The following GSTA1 variants were observed in gnomAD, a reference collection of about 807,000 sequenced individuals.
The protein encoded by GSTA1 is glutathione S-transferase alpha 1.
In GSTA1, 23 loss-of-function variants were observed where a neutral mutation model predicts 21.5. The observed-to-expected ratio is 1.07, with a 90% CI of 0.77 to 1.52. GSTA1 has a LOEUF of 1.52. Among genes scored for constraint, GSTA1 ranks in the 40% most tolerant of loss-of-function variants. GSTA1 has a pLI of 0.00. For synonymous variants in GSTA1, 125 were observed against 90.0 expected, an observed-to-expected ratio of 1.39 and a Z score of -2.20; for missense variants, 301 against 264.2, an observed-to-expected ratio of 1.14 and a Z score of -0.96.
intron 1 of GSTA1, among the ~76,000 whole-genome samples, chr6:52,800,073 T>G (rs1198884212): frequency 2.0e-5 from 3 of 152,224 alleles, no homozygotes; most frequent in Non-Finnish European, 4.4e-5. Flanking sequence ...TGGGGTGCAT[T>G]TTGTTTTATA....
At chr6:52,794,954 C>T (rs1350792748) in intron 4 of GSTA1, among the ~76,000 whole-genome samples, 1 of 152,166 alleles carries the variant, frequency 6.6e-6, no homozygotes. Flanking sequence ...AAAACAAGAA[C>T]TTTATTGATG....
chr6:52,793,873 T>A (rs1327132436), intron 5 of GSTA1, among the ~76,000 whole-genome samples: 4 of 152,174 alleles, frequency 2.6e-5, no homozygotes, highest in East Asian at 3.8e-4. Context: ...GAACATGAAA[T>A]CTTGTTGAAC....
chr6:52,796,245 G>C lies in GSTA1; in HGVS notation c.209C>G (p.Ala70Gly), dbSNP rs771949633. The change falls in exon 4 of 7, where the codon GCC (alanine) becomes GGC (glycine). Residue 70 changes from alanine (A) to glycine (G), a missense_variant. Physicochemically the swap from Ala to Gly is moderately conservative, Grantham distance 60 (BLOSUM62 0). Coordinates refer to ENST00000334575, the MANE Select transcript of GSTA1 (RefSeq NM_145740.5). ...TTTGCTGGCAATGTAGTTGAGAATG[G>C]CTCTGGTCTGCACCAGCTTCATCCC... ...IDGMKLVQTR[A>G]ILNYIASKYN... 2.0e-5 allele frequency: 32 copies of C among 1,613,514 alleles called. No homozygotes were observed. Among genetic ancestry groups the C allele is most frequent in the Non-Finnish European group, 2.5e-5 (30 of 1,179,918 alleles).
At chr6:52,799,940 C>T (rs2127307390) in intron 1 of GSTA1, among the ~76,000 whole-genome samples, 1 of 152,336 alleles carries the variant, frequency 6.6e-6, no homozygotes, top group African/African-American at 2.4e-5. Flanking sequence ...TGTGAGACTA[C>T]ATTTGATCAA....
chr6:52,799,067 C>A (rs976589441), intron 2 of GSTA1, 114 bp downstream of exon 2: 3 of 946,988 alleles, frequency 3.2e-6, no homozygotes, highest in African/African-American at 3.3e-5. Context: ...AATTACAGTC[C>A]ATTTTTATTT....
chr6:52,803,636 T>C (rs1301154848), intron 1 of GSTA1, 149 bp downstream of exon 1: 6 of 167,322 alleles, frequency 3.6e-5, no homozygotes, highest in Non-Finnish European at 7.8e-5. Context: ...AAACAATTCT[T>C]GAACTGTCAC....
rs1302788727 is a variant in GSTA1, at chr6:52,792,937, C to A, written c.465G>T (p.Arg155=). 1 of 1,614,126 alleles carries A rather than the reference C, an allele frequency of 6.2e-7. No individual in the cohort carries two copies. Among genetic ancestry groups the A allele is most frequent in the Non-Finnish European group, 8.5e-7 (1 of 1,180,012 alleles). Residue 155 remains arginine, a synonymous_variant, in exon 6 of 7, where the codon CGG becomes CGT. Transcript: ENST00000334575. ...GAAGTTCCACCAGATGAATGTCAGC[C>A]CGGCTCAGCTTGTTGCCAACAAGGT... ...QDYLVGNKLS[R]ADIHLVELLY... is the part of the protein sequence containing the mutation.
At chr6:52,797,751 A>G (rs896574593) in intron 2 of GSTA1, 114 bp from the exon 3 acceptor site, 11 of 926,380 alleles carry the variant, frequency 1.2e-5, no homozygotes, top group South Asian at 1.5e-5. Flanking sequence ...TGAGTTTGGC[A>G]GGGTACACAG....
chr6:52,792,411 G>A (rs1763479401), intron 6 of GSTA1, among the ~76,000 whole-genome samples: 2 of 152,168 alleles, frequency 1.3e-5, no homozygotes, highest in South Asian at 4.1e-4. Flanking sequence ...GAGATACAGT[G>A]TGGGGGGCCA....
Position 52,792,060 on chromosome 6 carries a change from C to A in GSTA1, c.547-80G>T, listed in dbSNP as rs150060464. On this transcript the variant is annotated intron_variant, in intron 6 of 6. Coordinates refer to ENST00000334575, the MANE Select transcript of GSTA1 (RefSeq NM_145740.5). ...AACATGACCCAGGGAATCTGAGCCCCTCCTGCAAAGACCAAGTGAGTCTGC... is the reference window on the plus strand; with the variant it reads ...AACATGACCCAGGGAATCTGAGCCCATCCTGCAAAGACCAAGTGAGTCTGC... The A allele has an allele frequency of 1.7e-4, 265 of 1,587,636 alleles. No homozygotes were observed. In the East Asian group the frequency reaches 5.7e-3, roughly 34 times the overall value.
At position 52,801,178 on chromosome 6, in the gene GSTA1, G is replaced by A. The variant is rs112108390; in HGVS notation, c.-30-1881C>T. The stretch of plus-strand genomic sequence containing the variant: ...TTACAGGAGTGAGCCACTGCACCCG[G>A]CCTCAACTAATGTATTTCTAAAAAG... On this transcript the variant is annotated intron_variant, in intron 1 of 6. Coordinates refer to ENST00000334575, the MANE Select transcript of GSTA1 (RefSeq NM_145740.5). 9.5e-4 allele frequency among the ~76,000 whole-genome samples: 145 copies of A among 152,272 alleles called. 1 individual carries two copies. The highest frequency in any genetic ancestry group is 3.3e-3 in the African/African-American group (138 of 41,552).
At chr6:52,798,121 A>C (rs1320879488) in intron 2 of GSTA1, among the ~76,000 whole-genome samples, 57 of 152,314 alleles carry the variant, frequency 3.7e-4, no homozygotes, top group Non-Finnish European at 6.5e-4. Context: ...CTAAGTGTGA[A>C]ATAGGTCGCC....
At chr6:52,798,095 C>CT (rs1763631977) in intron 2 of GSTA1, among the ~76,000 whole-genome samples, 1 of 152,208 alleles carries the variant, frequency 6.6e-6, no homozygotes, top group African/African-American at 2.4e-5. Context: ...TATCGCCCCA[C>CT]TTCTCAGGAA....
intron 6 of GSTA1, chr6:52,792,581 G>C: frequency 1.7e-6 from 1 of 593,278 alleles, no homozygotes; most frequent in Non-Finnish European, 2.6e-6. Flanking sequence ...AAACCACATT[G>C]AAATAGAGGG....
rs577327388 is a variant in GSTA1, at chr6:52,794,256, A to G, written c.283T>C (p.Tyr95His). Residue 95 changes from tyrosine to histidine, a missense_variant, in exon 5 of 7, where the codon TAT becomes CAT. Tyr to His is a moderately conservative substitution (Grantham distance 83, BLOSUM62 2). Coordinates refer to ENST00000334575, the MANE Select transcript of GSTA1 (RefSeq NM_145740.5). ...CCCAAATCTGCTATACCTTCTATAT[A>G]CATATCAATCCTGAAAGACAGAAAC... Reference protein sequence around the residue: ...DIKERALIDMYIEGIADLGEM... With the variant: ...DIKERALIDMHIEGIADLGEM... The G allele has an allele frequency of 1.1e-5, 17 of 1,612,226 alleles. No individual in the cohort carries two copies. In the East Asian group the frequency reaches 3.8e-4, roughly 36 times the overall value.
Position 52,797,598 on chromosome 6 carries a change from T to C in GSTA1, c.127A>G (p.Lys43Glu), listed in dbSNP as rs1335212881. 1 of 1,607,904 alleles carries C rather than the reference T, an allele frequency of 6.2e-7. No homozygotes were observed. The highest frequency in any genetic ancestry group is 1.7e-5 in the Admixed American group (1 of 59,912). ...AGATTGATCTTACCATTTCTTAACT[T>C]GTCCAAATCTTCTGCAGATTTTATA... ...KFIKSAEDLD[K>E]LRNDGYLMFQ... The change falls in exon 3 of 7, where the codon AAG (lysine) becomes GAG (glutamate). Residue 43 changes from lysine to glutamate, a missense_variant. Coordinates refer to ENST00000334575, the MANE Select transcript of GSTA1 (RefSeq NM_145740.5).
At position 52,791,450 on chromosome 6, in the gene GSTA1, A is replaced by G. The variant is rs1195592269; in HGVS notation, c.*408T>C. On this transcript the variant is annotated 3_prime_UTR_variant, in exon 7 of 7. Transcript: ENST00000334575. ...GAAAAGAAGAAAATGTCTTTATGCCATTATCCAGGATGGTAACTCTTCTCC... is the reference window on the plus strand; with the variant it reads ...GAAAAGAAGAAAATGTCTTTATGCCGTTATCCAGGATGGTAACTCTTCTCC... 6.6e-6 allele frequency among the ~76,000 whole-genome samples: 1 copy of G among 152,266 alleles called. No individual in the cohort carries two copies. The highest frequency in any genetic ancestry group is 2.4e-5 in the African/African-American group (1 of 41,474).
At chr6:52,797,534 G>C (rs373719651) in intron 3 of GSTA1, 52 bp downstream of exon 3, 9 of 1,426,928 alleles carry the variant, frequency 6.3e-6, no homozygotes, top group Non-Finnish European at 7.9e-6. Context: ...AAACCTCCCC[G>C]TGTACCTTCT....
chr6:52,794,660 A>C (rs1024703256), intron 4 of GSTA1, among the ~76,000 whole-genome samples: 2 of 152,154 alleles, frequency 1.3e-5, no homozygotes, highest in African/African-American at 4.8e-5. Context: ...AAGTAATCCT[A>C]AGAGAGTCCC....
Sources: gnomAD v4.1 joint callset for allele counts (sites outside exome capture counted in the v4.1 genomes callset) on GRCh38, gnomAD v4.1.1 for gene constraint, MANE v1.5 for transcripts, NCBI Gene and HGNC (gene_info 2026-07-23, HGNC 2026-07-21) for gene names.